The following CRY2 variants were observed in gnomAD, a reference collection of about 807,000 sequenced individuals.
CRY2 encodes cryptochrome-2.
CRY2 carries 31 observed loss-of-function variants against 69.5 expected under a neutral mutation model. The observed-to-expected ratio is 0.45, with a 90% CI of 0.34 to 0.60. CRY2 has a LOEUF of 0.60. Among genes scored for constraint, CRY2 ranks in the 20% least tolerant of loss-of-function variants. The probability of loss-of-function intolerance (pLI) is 0.02; values close to 1 mark genes in which losing one functional copy is unlikely to be tolerated. For synonymous variants in CRY2, 303 were observed against 312.2 expected (o/e 0.97, Z 0.31); for missense variants, 606 against 797.8 (o/e 0.76, Z 2.90).
At chr11:45,861,786 A>G in intron 4 of CRY2, 1 of 423,354 alleles carries the variant, frequency 2.4e-6, no homozygotes, top group Non-Finnish European at 4.3e-6. Flanking sequence ...TGAAAACCAC[A>G]GTTGTTGCCA....
intron 1 of CRY2, among the ~76,000 whole-genome samples, chr11:45,853,321 A>G (rs1156794900): frequency 6.6e-6 from 1 of 152,166 alleles, no homozygotes; most frequent in Non-Finnish European, 1.5e-5. Context: ...ATTTTTATTT[A>G]GTTGCTGGGT....
At position 45,867,732 on chromosome 11, in the gene CRY2, CT is replaced by C; in HGVS notation, c.863del (p.Leu288ArgfsTer8). On this transcript the variant is annotated frameshift_variant, in exon 6 of 12. Coordinates refer to ENST00000616080, the MANE Select transcript of CRY2 (RefSeq NM_021117.5). LOFTEE classifies it high-confidence loss of function. ...CTCCTGCCGCCTCTTCTACTACCGC[CT>C]GTGGGACCTGTATAAAAAGGTAAGG... ...CLSCRLFYYR[L>X]WDLYKKVKRN... The C allele has an allele frequency of 6.2e-7, 1 of 1,614,242 alleles. No individual in the cohort carries two copies. Among genetic ancestry groups the C allele is most frequent in the Non-Finnish European group, 8.5e-7 (1 of 1,180,050 alleles).
intron 1 of CRY2, among the ~76,000 whole-genome samples, chr11:45,851,161 G>T (rs1482686934): frequency 6.6e-6 from 1 of 152,090 alleles, no homozygotes; most frequent in Non-Finnish European, 1.5e-5. Context: ...GATGTGAGCA[G>T]TTCCTAGATT....
rs1170901888 is a variant in CRY2 at position 45,881,898 on chromosome 11, A to G, written c.*987A>G. 6.6e-6 allele frequency: 1 copy of G among 152,236 alleles called. No homozygotes were observed. The highest frequency in any genetic ancestry group is 1.5e-5 in the Non-Finnish European group (1 of 68,064). The allele number at this position is 152,236 out of a possible 1,614,324, so 9.4% of individuals were successfully genotyped here. A position where few individuals can be genotyped will look rare whatever the true frequency, so the allele number is the denominator to read the frequency against. ...GACACCCAGCCAGGGAAACCATTCT[A>G]GTCTTTATTCTGTTGGCTTCCAGGG... On this transcript the variant is annotated 3_prime_UTR_variant, in exon 12 of 12. Transcript: ENST00000616080.
intron 1 of CRY2, among the ~76,000 whole-genome samples, chr11:45,850,339 C>G (rs1176314074): frequency 6.6e-6 from 1 of 152,168 alleles, no homozygotes; most frequent in Non-Finnish European, 1.5e-5. Flanking sequence ...GCTCTTATTG[C>G]AGCAAAGCTT....
At chr11:45,854,474 A>G (rs2086223928) in intron 1 of CRY2, among the ~76,000 whole-genome samples, 2 of 152,224 alleles carry the variant, frequency 1.3e-5, no homozygotes, top group South Asian at 4.1e-4. Flanking sequence ...ACTTGAGGTC[A>G]GGAGTTCAAG....
chr11:45,867,544 C>G, intron 5 of CRY2, 68 bp from the exon 6 acceptor site: 1 of 1,596,438 alleles, frequency 6.3e-7, no homozygotes, highest in South Asian at 1.1e-5. Context: ...CTTAACCACC[C>G]AATGCCTCCA....
chr11:45,866,906 G>C (rs936686810), intron 5 of CRY2, among the ~76,000 whole-genome samples: 2 of 151,994 alleles, frequency 1.3e-5, no homozygotes, highest in East Asian at 3.8e-4. Context: ...GGTGAGCCGA[G>C]ATCACGCCAC....
chr11:45,859,886 G>A (rs554558804), intron 3 of CRY2, among the ~76,000 whole-genome samples: 3 of 152,136 alleles, frequency 2.0e-5, no homozygotes, highest in Non-Finnish European at 2.9e-5. Context: ...AGCTGTGCAC[G>A]TGAGCCGGGC....
intron 11 of CRY2, among the ~76,000 whole-genome samples, chr11:45,879,596 A>G (rs550671022): frequency 5.9e-5 from 9 of 152,338 alleles, no homozygotes; most frequent in Admixed American, 2.6e-4. Flanking sequence ...ACAGATGTGG[A>G]TTTCCTTTTT....
chr11:45,874,346 A>T (rs2086409754), intron 11 of CRY2, among the ~76,000 whole-genome samples: 1 of 152,124 alleles, frequency 6.6e-6, no homozygotes, highest in Non-Finnish European at 1.5e-5. Context: ...ATAATAGCTC[A>T]ATTACTGTGG....
At chr11:45,866,252 G>T (rs1264731181) in intron 5 of CRY2, among the ~76,000 whole-genome samples, 2 of 152,174 alleles carry the variant, frequency 1.3e-5, no homozygotes, top group Non-Finnish European at 2.9e-5. Flanking sequence ...GAGCAATCTG[G>T]GCTAGAGCTA....
intron 5 of CRY2, among the ~76,000 whole-genome samples, chr11:45,862,595 T>C (rs1337338975): frequency 2.0e-5 from 3 of 152,208 alleles, no homozygotes; most frequent in African/African-American, 7.2e-5. Context: ...TATAACACAG[T>C]AAGACCTTGT....
At chr11:45,866,311 T>G (rs2086330259) in intron 5 of CRY2, among the ~76,000 whole-genome samples, 1 of 152,098 alleles carries the variant, frequency 6.6e-6, no homozygotes, top group Non-Finnish European at 1.5e-5. Flanking sequence ...GCCATGGGCC[T>G]GGATGAGCTT....
chr11:45,868,204 G>A (rs1470347370), intron 6 of CRY2, among the ~76,000 whole-genome samples: 2 of 152,218 alleles, frequency 1.3e-5, no homozygotes, highest in African/African-American at 4.8e-5. Context: ...AGTGATGGAG[G>A]GAGTGGTGTG....
intron 11 of CRY2, among the ~76,000 whole-genome samples, chr11:45,875,603 T>G (rs989194907): frequency 2.0e-5 from 3 of 152,316 alleles, no homozygotes; most frequent in Middle Eastern, 3.4e-3. Context: ...AGGTTTACTC[T>G]GCCCTCCACT....
chr11:45,860,973 G>A lies in CRY2; in HGVS notation c.593G>A (p.Arg198Lys), dbSNP rs748517484. ...ACCAGCCAGCAGATGGAGAGCTGCA[G>A]GGCCGAGATCCAGGAGAACCACGAC... ...LVTSQQMESCRAEIQENHDET... is the reference protein window; with the variant it reads ...LVTSQQMESCKAEIQENHDET... Residue 198 changes from arginine (R) to lysine (K), a missense_variant, in exon 4 of 12, where the codon AGG becomes AAG. Physicochemically the swap from Arg to Lys is conservative, Grantham distance 26. Coordinates refer to ENST00000616080, the MANE Select transcript of CRY2 (RefSeq NM_021117.5). 6.2e-7 allele frequency: 1 copy of A among 1,614,046 alleles called. No individual in the cohort carries two copies. Among genetic ancestry groups the A allele is most frequent in the Non-Finnish European group, 8.5e-7 (1 of 1,180,044 alleles).
At chr11:45,856,507 G>A (rs928310437) in intron 2 of CRY2, among the ~76,000 whole-genome samples, 17 of 152,204 alleles carry the variant, frequency 1.1e-4, no homozygotes, top group Admixed American at 8.5e-4. Context: ...GGAAAAGTCA[G>A]CCTTTTCTGC....
At chr11:45,861,865 A>G (rs2086290617) in intron 4 of CRY2, 195 bp from the exon 5 acceptor site, 1 of 577,356 alleles carries the variant, frequency 1.7e-6, no homozygotes, top group Non-Finnish European at 3.1e-6. Context: ...TGCAGGGGAA[A>G]GCAGAGAAAA....
Sources: gnomAD v4.1 joint callset for allele counts (sites outside exome capture counted in the v4.1 genomes callset) on GRCh38, gnomAD v4.1.1 for gene constraint, MANE v1.5 for transcripts, NCBI Gene and HGNC (gene_info 2026-07-23, HGNC 2026-07-21) for gene names.